Variants in SLC39A10 observed in about 807,000 individuals in gnomAD.
SLC39A10 encodes solute carrier family 39 member 10.
In SLC39A10, 13 loss-of-function variants were observed where a neutral mutation model predicts 65.1. The ratio of observed to expected loss-of-function variants is 0.20; its 90% confidence interval spans 0.13 to 0.32. The LOEUF (loss-of-function observed/expected upper bound fraction) is 0.32. SLC39A10 is among the 10% of genes least tolerant of loss of function. SLC39A10 has a pLI of 1.00. For missense variants in SLC39A10, 831 were observed against 1,018.4 expected (o/e 0.82, Z 2.50); for synonymous variants, 321 against 342.2 (o/e 0.94, Z 0.68).
chr2:195,628,628 A>G (rs1688520383), intron 2 of SLC39A10, among the ~76,000 whole-genome samples: 1 of 152,232 alleles, frequency 6.6e-6, no homozygotes, highest in African/African-American at 2.4e-5. Context: ...TGTGATAAGC[A>G]CTTTGAAGAA....
intron 2 of SLC39A10, among the ~76,000 whole-genome samples, chr2:195,648,288 A>C (rs569858414): frequency 3.9e-5 from 6 of 152,184 alleles, no homozygotes; most frequent in Non-Finnish European, 8.8e-5. Context: ...GAGCTACTGA[A>C]CTCGGCCCTT....
At chr2:195,706,856 C>A in intron 4 of SLC39A10, 71 bp downstream of exon 4, 1 of 1,070,472 alleles carries the variant, frequency 9.3e-7, no homozygotes, top group Non-Finnish European at 1.3e-6. Flanking sequence ...CCTTCATTAG[C>A]AAGCTATAGC....
In SLC39A10 at chr2:195,737,603, GTT is replaced by G. The variant is rs5837477; in HGVS notation, c.*2573_*2574del. 0.48 allele frequency: 80,425 copies of G among 167,922 alleles called. 20,380 individuals carry two copies. Among genetic ancestry groups the G allele is most frequent in the Non-Finnish European group, 0.58 (46,216 of 79,068 alleles). 10.4% of individuals were successfully genotyped at this position (167,922 alleles called of 1,614,324 possible). Reference sequence around the variant, plus strand: ...AAAAAGCTGGAAAATATCAAATGCTGTTTTTTTTTTTTCATTGTCAACAGTGG... The same window carrying G: ...AAAAAGCTGGAAAATATCAAATGCTGTTTTTTTTTTCATTGTCAACAGTGG... On this transcript the variant is annotated 3_prime_UTR_variant, in exon 10 of 10. Transcript: ENST00000359634.
At position 195,683,674 on chromosome 2, in the gene SLC39A10, ATTTGT is replaced by A. The variant is rs763822072; in HGVS notation, c.1009-21_1009-17del. ...ATCTCCTTAAAGACACTCTTATTTAATTTGTTTTATCACTTTCCTTGCAGTGTTTG... is the reference window on the plus strand; with the variant it reads ...ATCTCCTTAAAGACACTCTTATTTAATTTATCACTTTCCTTGCAGTGTTTG... On this transcript the variant is annotated intron_variant, in intron 2 of 9. Coordinates refer to ENST00000359634, the MANE Select transcript of SLC39A10 (RefSeq NM_020342.3). 2 of 1,577,404 alleles carry A rather than the reference ATTTGT, an allele frequency of 1.3e-6. No homozygotes were observed. The highest frequency in any genetic ancestry group is 1.7e-5 in the Admixed American group (1 of 58,836).
At chr2:195,698,569 A>G (rs1055430760) in intron 3 of SLC39A10, among the ~76,000 whole-genome samples, 1 of 151,952 alleles carries the variant, frequency 6.6e-6, no homozygotes. Flanking sequence ...GCTCATTGAG[A>G]TGATCATGTG....
intron 2 of SLC39A10, among the ~76,000 whole-genome samples, chr2:195,640,113 A>G (rs2105704362): frequency 6.6e-6 from 1 of 152,318 alleles, no homozygotes; most frequent in South Asian, 2.1e-4. Flanking sequence ...TCATTCAATG[A>G]TGACTCTTGG....
intron 2 of SLC39A10, among the ~76,000 whole-genome samples, chr2:195,626,699 T>C (rs1436334944): frequency 6.6e-6 from 1 of 152,200 alleles, no homozygotes; most frequent in African/African-American, 2.4e-5. Flanking sequence ...CCTCAGGCGT[T>C]TCTACTGCAG....
intron 1 of SLC39A10, among the ~76,000 whole-genome samples, chr2:195,664,923 C>T (rs1689575373): frequency 6.6e-6 from 1 of 152,194 alleles, no homozygotes; most frequent in East Asian, 1.9e-4. Context: ...TGGCTCACAC[C>T]TGTAATCCCA....
rs570905019 is a variant in SLC39A10 at position 195,624,882 on chromosome 2, C to A, written c.-12+18649C>A. On this transcript the variant is annotated intron_variant, in intron 2 of 2. Coordinates refer to the SLC39A10 transcript ENST00000458054. The stretch of plus-strand genomic sequence containing the variant: ...AGCCTGGGCGAAAAGAGAGAGACTC[C>A]ATCTCAAAAAAAAAAAAAAAAAAAA... Among the ~76,000 whole-genome samples the A allele has an allele frequency of 1.3e-3, 140 of 104,320 alleles. 2 individuals are homozygous for A. Among genetic ancestry groups the A allele is most frequent in the African/African-American group, 5.2e-3 (131 of 25,324 alleles). 68.4% of individuals were successfully genotyped at this position (104,320 alleles called of 152,430 possible).
Position 195,692,681 on chromosome 2 carries a change from T to G in SLC39A10, c.1216+8775T>G, listed in dbSNP as rs1319268765. ...GTATAGCAGAGCTACTGATTAATTT[T>G]GTATCCTGAAACTTTGCTGAATTCA... On this transcript the variant is annotated intron_variant, in intron 3 of 9. Coordinates refer to ENST00000359634, the MANE Select transcript of SLC39A10 (RefSeq NM_020342.3). 2.0e-5 allele frequency among the ~76,000 whole-genome samples: 3 copies of G among 152,096 alleles called. No individual in the cohort carries two copies. In the East Asian group the frequency reaches 5.8e-4, roughly 29 times the overall value.
chr2:195,616,753 G>A (rs1188595162), intron 2 of SLC39A10, among the ~76,000 whole-genome samples: 5 of 151,668 alleles, frequency 3.3e-5, no homozygotes, highest in Non-Finnish European at 7.4e-5. Flanking sequence ...ACAGGCTCCC[G>A]CCACCACGCC....
At chr2:195,678,696 G>C (rs564363707) in intron 1 of SLC39A10, among the ~76,000 whole-genome samples, 2 of 151,534 alleles carry the variant, frequency 1.3e-5, no homozygotes, top group African/African-American at 4.8e-5. Flanking sequence ...GCGCTTTCCA[G>C]TACAGTAGCC....
At chr2:195,635,536 G>A (rs1383095972) in intron 2 of SLC39A10, among the ~76,000 whole-genome samples, 2 of 152,160 alleles carry the variant, frequency 1.3e-5, no homozygotes, top group Admixed American at 6.5e-5. Flanking sequence ...CAAAGAAGTG[G>A]CACATACTAG....
intron 9 of SLC39A10, among the ~76,000 whole-genome samples, chr2:195,729,247 G>A (rs1364137326): frequency 6.6e-6 from 1 of 152,122 alleles, no homozygotes; most frequent in African/African-American, 2.4e-5. Context: ...CTCTCAAAGT[G>A]CTGGGATTAC....
intron 2 of SLC39A10, among the ~76,000 whole-genome samples, chr2:195,628,486 A>G (rs1202938273): frequency 1.3e-5 from 2 of 152,244 alleles, no homozygotes; most frequent in African/African-American, 4.8e-5. Flanking sequence ...CATATTTAGT[A>G]TATATTATAT....
At chr2:195,646,451 A>G (rs990212818) in intron 2 of SLC39A10, among the ~76,000 whole-genome samples, 1 of 152,196 alleles carries the variant, frequency 6.6e-6, no homozygotes, top group Non-Finnish European at 1.5e-5. Flanking sequence ...TTCAAACAAT[A>G]CAAATTTGTT....
intron 2 of SLC39A10, among the ~76,000 whole-genome samples, chr2:195,618,367 A>AAAAAAAG (rs1553490807): frequency 6.6e-6 from 1 of 151,882 alleles, no homozygotes; most frequent in African/African-American, 2.4e-5. Flanking sequence ...AAAAAAAAAA[A>AAAAAAAG]AGAGAGAGAA....
intron 2 of SLC39A10, among the ~76,000 whole-genome samples, chr2:195,625,181 C>G (rs1490548916): frequency 1.6e-5 from 2 of 126,572 alleles, no homozygotes; most frequent in African/African-American, 5.7e-5. Flanking sequence ...TGTACCATTG[C>G]ACTCCAGCCT....
intron 2 of SLC39A10, among the ~76,000 whole-genome samples, chr2:195,623,580 T>C (rs2105689089): frequency 6.6e-6 from 1 of 152,274 alleles, no homozygotes; most frequent in African/African-American, 2.4e-5. Flanking sequence ...TTACCTTGAG[T>C]TCATAGCTAA....
Sources: gnomAD v4.1 joint callset for allele counts (sites outside exome capture counted in the v4.1 genomes callset) on GRCh38, gnomAD v4.1.1 for gene constraint, MANE v1.5 for transcripts, NCBI Gene and HGNC (gene_info 2026-07-23, HGNC 2026-07-21) for gene names.